THBS4: variants seen among roughly 807,000 people sequenced by gnomAD.
THBS4 encodes the protein thrombospondin-4.
Under a neutral mutation model 115.7 loss-of-function variants are expected in THBS4, and 90 were observed. That is an observed-to-expected ratio of 0.78 (90% CI 0.66 to 0.93). THBS4 has a LOEUF of 0.93. Ranked by LOEUF, THBS4 falls within the 40% of genes least tolerant of loss-of-function variation. The probability of loss-of-function intolerance (pLI) is 0.00; values close to 1 mark genes in which losing one functional copy is unlikely to be tolerated. For missense variants in THBS4, 1,087 were observed against 1,232.7 expected (o/e 0.88, Z 1.77); for synonymous variants, 460 against 479.3 (o/e 0.96, Z 0.53).
In THBS4 at chr5:80,076,958, G is replaced by A. The variant is rs1743248278; in HGVS notation, c.1996G>A (p.Asp666Asn). 1 of 1,613,796 alleles carries A rather than the reference G, an allele frequency of 6.2e-7. No homozygotes were observed. Among genetic ancestry groups the A allele is most frequent in the African/African-American group, 1.3e-5 (1 of 74,894 alleles). The change falls in exon 16 of 22, where the codon GAT (aspartate) becomes AAT (asparagine). Residue 666 changes from aspartate (D) to asparagine (N), a missense_variant. Asp to Asn is a conservative substitution (Grantham distance 23). Around this residue, in one of 3 missense-constraint regions of THBS4, gnomAD observed 979 missense variants for 1,103.7 expected, o/e 0.89. Coordinates refer to ENST00000350881, the MANE Select transcript of THBS4 (RefSeq NM_003248.6). ...TGGAATTGGTGACGAGTGTGATGAT[G>A]ATGATGACAATGATGGTATCCCAGA... ...KDGIGDECDD[D>N]DDNDGIPDLV...
Position 80,046,258 on chromosome 5 carries a change from G to C in THBS4, c.292+5978G>C, listed in dbSNP as rs917313472. Reference sequence around the variant, plus strand: ...TAAAAGAAAACAAAAATCCAAGCTAGATGAGGAGATAGCAGAAAAACGCCC... The same window carrying C: ...TAAAAGAAAACAAAAATCCAAGCTACATGAGGAGATAGCAGAAAAACGCCC... On this transcript the variant is annotated intron_variant, in intron 2 of 21. Transcript: ENST00000350881. Among the ~76,000 whole-genome samples the C allele has an allele frequency of 2.6e-5, 4 of 152,218 alleles. No individual in the cohort carries two copies. The South Asian group carries it at 8.3e-4, about 32-fold the overall frequency.
In THBS4 at chr5:80,072,320, G is replaced by A. The variant is rs202153657; in HGVS notation, c.1763G>A (p.Arg588His). Residue 588 changes from arginine to histidine, a missense_variant, in exon 14 of 22, where the codon CGT becomes CAT. Physicochemically the swap from Arg to His is conservative, Grantham distance 29. Transcript: ENST00000350881. ...GACAACTGCCCAAAATTTCCCAATC[G>A]TGACCAACGGGACAAGGATGGTGAT... The part of the protein sequence containing the change: ...ILDNCPKFPN[R>H]DQRDKDGDGV... 1.1e-4 allele frequency: 171 copies of A among 1,614,128 alleles called. No homozygotes were observed. The highest frequency in any genetic ancestry group is 2.5e-4 in the Admixed American group (15 of 60,020).
At chr5:79,992,004 A>C (rs1349187617) in intron 1 of THBS4, among the ~76,000 whole-genome samples, 1 of 152,204 alleles carries the variant, frequency 6.6e-6, no homozygotes, top group Non-Finnish European at 1.5e-5. Context: ...CTGTGCTTAA[A>C]AAGGCTCCTC....
At chr5:80,048,219 A>G (rs1833137508) in intron 2 of THBS4, among the ~76,000 whole-genome samples, 1 of 152,238 alleles carries the variant, frequency 6.6e-6, no homozygotes, top group Admixed American at 6.5e-5. Context: ...GAGTAAAATT[A>G]GGATCCATTG....
intron 2 of THBS4, among the ~76,000 whole-genome samples, chr5:80,042,094 C>G (rs1832920545): frequency 6.6e-6 from 1 of 152,198 alleles, no homozygotes; most frequent in Admixed American, 6.5e-5. Context: ...GCCTCATAGC[C>G]TGTCAGGGGC....
Position 80,017,932 on chromosome 5 carries a change from C to T in THBS4, n.177+19505C>T, listed in dbSNP as rs149594232. Among the ~76,000 whole-genome samples, 504 of 152,154 alleles carry T rather than the reference C, an allele frequency of 3.3e-3. 3 individuals carry two copies. Among genetic ancestry groups the T allele is most frequent in the African/African-American group, 9.5e-3 (396 of 41,522 alleles). On this transcript the variant is annotated intron_variant and non_coding_transcript_variant, in intron 2 of 3. Transcript: ENST00000510218. ...TGGCTTCCATTAATGCTGTTGGAAA[C>T]ACTGCTGTACCTCTAATTTTTATTC...
intron 7 of THBS4, 100 bp downstream of exon 7, chr5:80,060,005 G>A: frequency 8.3e-7 from 1 of 1,209,886 alleles, no homozygotes; most frequent in Non-Finnish European, 1.2e-6. Context: ...GCTGACTTGG[G>A]CTGTCCTCCA....
At chr5:80,052,180 G>A (rs1366997345) in intron 2 of THBS4, among the ~76,000 whole-genome samples, 1 of 152,112 alleles carries the variant, frequency 6.6e-6, no homozygotes, top group Non-Finnish European at 1.5e-5. Flanking sequence ...TAGTGCATAT[G>A]TTTGGACTCA....
chr5:80,062,010 A>G (rs1833654909), intron 8 of THBS4, among the ~76,000 whole-genome samples, 178 bp downstream of exon 8: 1 of 152,232 alleles, frequency 6.6e-6, no homozygotes, highest in Middle Eastern at 3.2e-3. Context: ...TTACATTTAT[A>G]AAATCTAGAA....
At chr5:79,992,444 C>G (rs1028555267) in intron 1 of THBS4, among the ~76,000 whole-genome samples, 5 of 152,216 alleles carry the variant, frequency 3.3e-5, no homozygotes, top group African/African-American at 1.2e-4. Context: ...CACTCCCTTA[C>G]TGTTTACATA....
intron 2 of THBS4, among the ~76,000 whole-genome samples, chr5:80,050,349 G>A (rs1204226866): frequency 6.6e-6 from 1 of 152,154 alleles, no homozygotes; most frequent in Non-Finnish European, 1.5e-5. Flanking sequence ...TAGGGGCTTG[G>A]GAAGTGGGGA....
At chr5:80,030,916 A>G (rs1832575320), upstream of THBS4, among the ~76,000 whole-genome samples, 1 of 152,228 alleles carries the variant, frequency 6.6e-6, no homozygotes, top group South Asian at 2.1e-4. Flanking sequence ...ACCTATATCA[A>G]TTAACACATA....
chr5:80,059,375 C>G (rs1437119579), intron 5 of THBS4, 65 bp from the exon 6 acceptor site: 2 of 1,375,820 alleles, frequency 1.5e-6, no homozygotes, highest in Admixed American at 3.4e-5. Flanking sequence ...CACATGGATT[C>G]TTTCATTCCT....
rs372260572 is a variant in THBS4, at chr5:80,000,588, A to G, written n.177+2161A>G. 6.6e-5 allele frequency among the ~76,000 whole-genome samples: 10 copies of G among 152,348 alleles called. No homozygotes were observed. In the South Asian group the frequency reaches 1.9e-3, roughly 28 times the overall value. The stretch of plus-strand genomic sequence containing the variant: ...CTCATTTCCATCCTAGGGATGGGAC[A>G]GTAAGGCTGTCATGAATAAGCATAA... On this transcript the variant is annotated intron_variant and non_coding_transcript_variant, in intron 2 of 3. Coordinates refer to the THBS4 transcript ENST00000510218.
intron 2 of THBS4, among the ~76,000 whole-genome samples, chr5:80,026,210 C>G (rs904040064): frequency 6.6e-6 from 1 of 152,174 alleles, no homozygotes; most frequent in African/African-American, 2.4e-5. Flanking sequence ...TTTAATACCA[C>G]TGGAAAGAAA....
chr5:79,991,481 A>G (rs1043223737), intron 1 of THBS4: 2 of 424,044 alleles, frequency 4.7e-6, no homozygotes, highest in Non-Finnish European at 8.3e-6. Context: ...TTAGATCCCT[A>G]GAGTGTTCCA....
chr5:80,045,527 G>A (rs974424860), intron 2 of THBS4, among the ~76,000 whole-genome samples: 71 of 150,574 alleles, frequency 4.7e-4, no homozygotes, highest in African/African-American at 1.6e-3. Context: ...AATATTTATG[G>A]AGTCTTTTTT....
At chr5:80,045,663 T>G (rs1055795630) in intron 2 of THBS4, among the ~76,000 whole-genome samples, 18 of 151,854 alleles carry the variant, frequency 1.2e-4, no homozygotes, top group Admixed American at 6.6e-4. Flanking sequence ...CCCAATTAGC[T>G]GGGATTATAG....
intron 2 of THBS4, among the ~76,000 whole-genome samples, chr5:80,015,202 G>A (rs557254435): frequency 1.9e-4 from 29 of 152,302 alleles, no homozygotes; most frequent in South Asian, 4.1e-4. Context: ...TCCTTTTGGC[G>A]TTGAAATAAA....
Sources: gnomAD v4.1 joint callset for allele counts (sites outside exome capture counted in the v4.1 genomes callset) on GRCh38, gnomAD v4.1.1 for gene constraint, gnomAD v4.1.1 regional missense constraint, MANE v1.5 for transcripts, NCBI Gene and HGNC (gene_info 2026-07-23, HGNC 2026-07-21) for gene names.